The following NOL8 variants were observed in gnomAD, a reference collection of about 807,000 sequenced individuals.
The protein encoded by NOL8 is nucleolar protein Nop132.
Under a neutral mutation model 116.1 loss-of-function variants are expected in NOL8, and 93 were observed. The observed-to-expected ratio is 0.80, with a 90% confidence interval of 0.68 to 0.95. The LOEUF (loss-of-function observed/expected upper bound fraction) is 0.95, where lower values mean the gene tolerates loss of function less well. Among genes scored for constraint, NOL8 ranks in the 40% least tolerant of loss-of-function variants. The probability of loss-of-function intolerance (pLI) is 0.00; values close to 1 mark genes in which losing one functional copy is unlikely to be tolerated. For missense variants in NOL8, 1,291 were observed against 1,382.8 expected (o/e 0.93, Z 1.05); for synonymous variants, 419 against 469.0 (o/e 0.89, Z 1.38).
At chr9:92,311,583 C>A (rs772167789) in intron 7 of NOL8, among the ~76,000 whole-genome samples, 1 of 152,056 alleles carries the variant, frequency 6.6e-6, no homozygotes, top group Non-Finnish European at 1.5e-5. Flanking sequence ...ACATGGCCAA[C>A]AAGCATACAA....
In NOL8 at chr9:92,319,383, A is replaced by G. The variant is rs776857958; in HGVS notation, c.282-27T>C. On this transcript the variant is annotated intron_variant, in intron 4 of 16. Coordinates refer to ENST00000442668, the MANE Select transcript of NOL8 (RefSeq NM_017948.6). ...TGAATCAAAAAGAAAATACAAATAA[A>G]AGAGTCAAAATAATCAGCCACGTAA... 6.6e-6 allele frequency: 10 copies of G among 1,513,856 alleles called. No homozygotes were observed. The South Asian group carries it at 1.2e-4, about 18-fold the overall frequency. 93.8% of individuals were successfully genotyped at this position (1,513,856 alleles called of 1,614,324 possible).
Position 92,298,317 on chromosome 9 carries a change from T to C in NOL8, c.3393A>G (p.Arg1131=). 1 of 1,607,340 alleles carries C rather than the reference T, an allele frequency of 6.2e-7. No homozygotes were observed. ...ERLQGSDLFW[R]GVGSNMSRNS... is the part of the protein sequence containing the mutation. ...TCCTGCTCATATTACTTCCTACTCC[T>C]CTCCAGAATAAGTCAGAACCTATTA... is the stretch of plus-strand genomic sequence containing the variant. The change falls in exon 16 of 17, where the codon AGA becomes AGG. Residue 1131 remains arginine, a synonymous_variant. Transcript: ENST00000442668.
At position 92,325,325 on chromosome 9, in the gene NOL8, C is replaced by G. The variant is rs1372420448; in HGVS notation, c.-68G>C. On this transcript the variant is annotated 5_prime_UTR_variant, in exon 1 of 17. Coordinates refer to ENST00000442668, the MANE Select transcript of NOL8 (RefSeq NM_017948.6). Reference sequence around the variant, plus strand: ...CCTCACCACGTCGTTCACCTAAAGCCAGCGCCGCTGCAGCCCCTAACTTCT... The same window carrying G: ...CCTCACCACGTCGTTCACCTAAAGCGAGCGCCGCTGCAGCCCCTAACTTCT... 1 of 152,512 alleles carries G rather than the reference C, an allele frequency of 6.6e-6. No individual in the cohort carries two copies. Among genetic ancestry groups the G allele is most frequent in the Admixed American group, 6.5e-5 (1 of 15,292 alleles). 9.4% of individuals were successfully genotyped at this position (152,512 alleles called of 1,614,324 possible).
chr9:92,324,133 A>T lies in NOL8; in HGVS notation c.29T>A (p.Leu10His). The change falls in exon 2 of 17, where the codon CTT becomes CAT. Residue 10 changes from leucine (L) to histidine (H), a missense_variant. Leu to His is a moderately conservative substitution (Grantham distance 99). Transcript: ENST00000442668. ...GTCCTGGCTAAGGCCACCCACATAAAGGCGCTTCGTTTCTCTGTTCACTTT... is the reference window on the plus strand; with the variant it reads ...GTCCTGGCTAAGGCCACCCACATAATGGCGCTTCGTTTCTCTGTTCACTTT... MKVNRETKR[L>H]YVGGLSQDIS... The T allele has an allele frequency of 1.2e-6, 2 of 1,613,934 alleles. No individual in the cohort carries two copies. The highest frequency in any genetic ancestry group is 2.2e-5 in the South Asian group (2 of 91,080).
rs1209056412 is a variant in NOL8, at chr9:92,300,943, A to G, written c.3175+608T>C. 6 of 856,010 alleles carry G rather than the reference A, an allele frequency of 7.0e-6. No homozygotes were observed. The East Asian group carries it at 3.4e-4, about 48-fold the overall frequency. 53.0% of individuals were successfully genotyped at this position (856,010 alleles called of 1,614,324 possible). On this transcript the variant is annotated intron_variant, in intron 13 of 16. Coordinates refer to ENST00000442668, the MANE Select transcript of NOL8 (RefSeq NM_017948.6). ...CTGTATAGGTATTACCTGCTTTTAC[A>G]GTGGGAACTTCCAGAAAGCTGGAAC...
intron 4 of NOL8, 89 bp from the exon 5 acceptor site, chr9:92,319,445 C>G (rs1042512454): frequency 1.5e-6 from 2 of 1,332,910 alleles, no homozygotes; most frequent in African/African-American, 3.1e-5. Flanking sequence ...TAAATGAGCA[C>G]TATAAACAGC....
At chr9:92,304,975 T>C (rs59627747) in intron 12 of NOL8, among the ~76,000 whole-genome samples, 10,364 of 152,038 alleles carry the variant, frequency 0.068, 523 homozygotes, top group African/African-American at 0.14. Context: ...TCCATATATT[T>C]GCCATGTTTA....
At chr9:92,306,529 C>T (rs190694910) in intron 11 of NOL8, among the ~76,000 whole-genome samples, 1 of 152,194 alleles carries the variant, frequency 6.6e-6, no homozygotes, top group Non-Finnish European at 1.5e-5. Flanking sequence ...ACCTGGTGTA[C>T]AGGTAATGAT....
chr9:92,303,209 A>C (rs1422051927), intron 12 of NOL8, among the ~76,000 whole-genome samples: 1 of 152,174 alleles, frequency 6.6e-6, no homozygotes, highest in Non-Finnish European at 1.5e-5. Context: ...ATGAAATTTA[A>C]GAAAGGGCTT....
intron 4 of NOL8, chr9:92,320,349 C>A: frequency 8.2e-6 from 3 of 364,160 alleles, no homozygotes; most frequent in South Asian, 6.2e-5. Flanking sequence ...GCATGGGGCT[C>A]TAGTGCCTGT....
At chr9:92,302,696 T>G (rs1336041679) in intron 12 of NOL8, among the ~76,000 whole-genome samples, 1 of 152,230 alleles carries the variant, frequency 6.6e-6, no homozygotes, top group Non-Finnish European at 1.5e-5. Flanking sequence ...TACTTCTTCC[T>G]TCAAGGGGTG....
intron 3 of NOL8, chr9:92,322,978 T>C (rs1228108506): frequency 6.4e-6 from 1 of 156,452 alleles, no homozygotes; most frequent in African/African-American, 2.4e-5. Context: ...CCATTCTTCA[T>C]TGAAGGCCAC....
intron 5 of NOL8, 186 bp from the exon 6 acceptor site, chr9:92,318,872 T>G (rs1839667728): frequency 1.8e-6 from 1 of 558,272 alleles, no homozygotes; most frequent in Non-Finnish European, 3.1e-6. Flanking sequence ...AAAGGAAGAT[T>G]TGGAGCAGCT....
intron 11 of NOL8, 44 bp downstream of exon 11, chr9:92,306,842 G>T: frequency 6.4e-7 from 1 of 1,567,482 alleles, no homozygotes; most frequent in South Asian, 1.2e-5. Context: ...AGACATTTAT[G>T]GCAAAGGATG....
At chr9:92,298,422 G>A (rs964096474) in intron 15 of NOL8, 86 bp from the exon 16 acceptor site, 8 of 751,164 alleles carry the variant, frequency 1.1e-5, no homozygotes, top group Admixed American at 2.8e-5. Context: ...TCAAGGTCTC[G>A]AATACCAGTT....
At position 92,325,317 on chromosome 9, in the gene NOL8, C is replaced by T. The variant is rs1840380824; in HGVS notation, c.-60G>A. ...AACCCACTCCTCACCACGTCGTTCA[C>T]CTAAAGCCAGCGCCGCTGCAGCCCC... is the stretch of plus-strand genomic sequence containing the variant. On this transcript the variant is annotated 5_prime_UTR_variant, in exon 1 of 17. The change creates a new upstream start codon in the 5' untranslated region. Transcript: ENST00000442668. The T allele has an allele frequency of 6.6e-6, 1 of 152,482 alleles. No homozygotes were observed. The highest frequency in any genetic ancestry group is 1.5e-5 in the Non-Finnish European group (1 of 68,244). The allele number at this position is 152,482 out of a possible 1,614,324, so 9.4% of individuals were successfully genotyped here. A position where few individuals can be genotyped will look rare whatever the true frequency, so the allele number is the denominator to read the frequency against.
chr9:92,303,368 A>G (rs1478161785), intron 12 of NOL8, among the ~76,000 whole-genome samples: 1 of 152,216 alleles, frequency 6.6e-6, no homozygotes, highest in African/African-American at 2.4e-5. Context: ...TTGAAATGAT[A>G]GGGGGAAAAA....
intron 4 of NOL8, chr9:92,320,100 G>A (rs755972783): frequency 1.5e-5 from 7 of 455,788 alleles, no homozygotes; most frequent in African/African-American, 4.0e-5. Flanking sequence ...GGTATCTTTC[G>A]GAGCCCAATT....
Position 92,315,729 on chromosome 9 carries a change from T to C in NOL8, c.896A>G (p.Asp299Gly). 1 of 1,613,230 alleles carries C rather than the reference T, an allele frequency of 6.2e-7. No individual in the cohort carries two copies. Among genetic ancestry groups the C allele is most frequent in the Non-Finnish European group, 8.5e-7 (1 of 1,179,474 alleles). Residue 299 changes from aspartate to glycine, a missense_variant, in exon 7 of 17, where the codon GAT becomes GGT. Transcript: ENST00000442668. Reference sequence around the variant, plus strand: ...TTCATCTTCAGAATCAGTATCATCATCAGAAATGCTGTTTCTCTTCTTGGC... The same window carrying C: ...TTCATCTTCAGAATCAGTATCATCACCAGAAATGCTGTTTCTCTTCTTGGC... Reference protein sequence around the residue: ...ETAKKRNSISDDDTDSEDELR... With the variant: ...ETAKKRNSISGDDTDSEDELR...
Sources: allele counts gnomAD v4.1 joint callset (sites outside exome capture counted in the v4.1 genomes callset), GRCh38; gene constraint gnomAD v4.1.1; transcripts MANE v1.5; gene names NCBI Gene and HGNC (gene_info 2026-07-23, HGNC 2026-07-21).